Variants in IL4I1 observed in about 807,000 individuals in gnomAD.
IL4I1 encodes L-amino-acid oxidase.
IL4I1 carries 24 observed loss-of-function variants against 29.7 expected under a neutral mutation model. That is an observed-to-expected ratio of 0.81 (90% CI 0.59 to 1.14). The LOEUF (loss-of-function observed/expected upper bound fraction) is 1.14, where lower values mean the gene tolerates loss of function less well. Ranked by LOEUF, IL4I1 falls within the 50% of genes most tolerant of loss-of-function variation. The probability of loss-of-function intolerance (pLI) is 0.00; values close to 1 mark genes in which losing one functional copy is unlikely to be tolerated. For synonymous variants in IL4I1, 371 were observed against 352.5 expected (o/e 1.05, Z -0.59); for missense variants, 686 against 785.6 (o/e 0.87, Z 1.52).
chr19:49,909,180 G>A (rs1395017652), intron 2 of IL4I1: 1 of 1,613,612 alleles, frequency 6.2e-7, no homozygotes, highest in South Asian at 1.1e-5. Context: ...GTGGCTGTGG[G>A]TGTGGGAGCA....
In IL4I1 at chr19:49,920,523, A is replaced by T. The variant is rs899727537; in HGVS notation, c.-228+7171T>A. Among the ~76,000 whole-genome samples the T allele has an allele frequency of 1.2e-4, 19 of 152,312 alleles. No individual in the cohort carries two copies. In the East Asian group the frequency reaches 3.1e-3, roughly 25 times the overall value. Reference sequence around the variant, plus strand: ...TACAGTATCTCAATAAAGCCACTCAACCAACCAACCGACCAACCAACCAAC... The same window carrying T: ...TACAGTATCTCAATAAAGCCACTCATCCAACCAACCGACCAACCAACCAAC... On this transcript the variant is annotated intron_variant, in intron 2 of 9. Coordinates refer to the IL4I1 transcript ENST00000341114.
chr19:49,902,359 C>CTT (rs1207280960), intron 3 of IL4I1, among the ~76,000 whole-genome samples: 49 of 118,650 alleles, frequency 4.1e-4, no homozygotes, highest in East Asian at 1.5e-3. Context: ...GCAGCCATTT[C>CTT]TTTTTTTTTT....
upstream of IL4I1, chr19:49,901,659 GCT>G (rs1568690925): frequency 6.5e-7 from 1 of 1,530,282 alleles, no homozygotes; most frequent in Non-Finnish European, 8.8e-7. Flanking sequence ...CCTCTGGGGG[GCT>G]CTCTCAGCAC....
At chr19:49,925,428 C>A (rs1000119806) in intron 2 of IL4I1, among the ~76,000 whole-genome samples, 4 of 144,738 alleles carry the variant, frequency 2.8e-5, no homozygotes, top group East Asian at 2.1e-4. Flanking sequence ...GACCCTCCCC[C>A]CCATCTCTAC....
upstream of IL4I1, among the ~76,000 whole-genome samples, chr19:49,899,777 A>T (rs1223931074): frequency 6.6e-6 from 1 of 152,046 alleles, no homozygotes; most frequent in Non-Finnish European, 1.5e-5. Context: ...GGATGGTCTC[A>T]ATCTCCTGAC....
chr19:49,896,272 G>C (rs2075209478), intron 1 of IL4I1, 90 bp from the exon 2 acceptor site: 1 of 1,413,286 alleles, frequency 7.1e-7, no homozygotes, highest in Non-Finnish European at 9.4e-7. Context: ...CCAGCTGCTA[G>C]AGCCGGCCCT....
chr19:49,926,066 A>G (rs746906465), intron 2 of IL4I1, among the ~76,000 whole-genome samples: 5 of 151,984 alleles, frequency 3.3e-5, no homozygotes, highest in Non-Finnish European at 7.4e-5. Context: ...AAAATTAGCC[A>G]GGCATGATGG....
intron 2 of IL4I1, among the ~76,000 whole-genome samples, chr19:49,912,507 A>G (rs2075496256): frequency 6.6e-6 from 1 of 152,138 alleles, no homozygotes; most frequent in African/African-American, 2.4e-5. Flanking sequence ...TTGGTTTCCA[A>G]TACTCAGGTG....
rs750472309 is a variant in IL4I1, at chr19:49,891,058, A to G, written c.686T>C (p.Leu229Pro). ...GCCATCCTCGGACATCACGTCTCCCAGAAGCTGCACGGCCGGCCGGCTCAG... is the reference window on the plus strand; with the variant it reads ...GCCATCCTCGGACATCACGTCTCCCGGAAGCTGCACGGCCGGCCGGCTCAG... Reference protein sequence around the residue: ...GNLSRPAVQLLGDVMSEDGFF... With the variant: ...GNLSRPAVQLPGDVMSEDGFF... Residue 229 changes from leucine to proline, a missense_variant, in exon 7 of 8, where the codon CTG becomes CCG. Physicochemically the swap from Leu to Pro is moderately conservative, Grantham distance 98 (BLOSUM62 -3). Coordinates refer to ENST00000391826, the MANE Select transcript of IL4I1 (RefSeq NM_152899.2). 8.1e-6 allele frequency: 13 copies of G among 1,613,130 alleles called. No individual in the cohort carries two copies. The highest frequency in any genetic ancestry group is 1.1e-5 in the Non-Finnish European group (13 of 1,179,878).
At position 49,904,556 on chromosome 19, in the gene IL4I1, AT is replaced by A. The variant is rs1157805844; in HGVS notation, c.-227-236del. 6.0e-5 allele frequency among the ~76,000 whole-genome samples: 9 copies of A among 150,352 alleles called. No homozygotes were observed. In the East Asian group the frequency reaches 1.2e-3, roughly 20 times the overall value. On this transcript the variant is annotated intron_variant, in intron 2 of 9. Coordinates refer to the IL4I1 transcript ENST00000341114. ...ATGGGAAGAAAATGCAGAACTTAAA[AT>A]TTTTTTTTTGAGATGAAGTCTAACT...
chr19:49,926,803 C>T (rs2075902181), intron 2 of IL4I1, among the ~76,000 whole-genome samples: 3 of 151,956 alleles, frequency 2.0e-5, no homozygotes, highest in Admixed American at 2.0e-4. Context: ...AGTCTAACTG[C>T]TCGACACGGA....
chr19:49,896,315 G>A (rs1269129423), intron 1 of IL4I1, 133 bp from the exon 2 acceptor site: 4 of 1,130,412 alleles, frequency 3.5e-6, no homozygotes, highest in Non-Finnish European at 4.9e-6. Context: ...CTGGACCTGT[G>A]TCCCCTAACC....
chr19:49,890,923 C>A, intron 7 of IL4I1, 48 bp downstream of exon 7: 1 of 1,135,434 alleles, frequency 8.8e-7, no homozygotes, highest in South Asian at 1.6e-5. Context: ...GCTACTTTCC[C>A]TGATTGCCCC....
At chr19:49,896,106 G>T in intron 2 of IL4I1, 42 bp downstream of exon 2, 2 of 1,578,582 alleles carry the variant, frequency 1.3e-6, no homozygotes, top group Non-Finnish European at 1.7e-6. Context: ...GGGGAGAGGG[G>T]TTCTACTCAC....
chr19:49,901,781 G>T, upstream of IL4I1: 1 of 1,232,998 alleles, frequency 8.1e-7, no homozygotes, highest in Non-Finnish European at 1.1e-6. Flanking sequence ...TTAGATCAGA[G>T]ATGCCAAGTT....
Position 49,895,915 on chromosome 19 carries a change from C to T in IL4I1, c.152G>A (p.Trp51Ter). The change falls in exon 3 of 8, where the codon TGG becomes TAG. Residue 51 changes from tryptophan (W) to a stop codon, truncating the protein, a stop_gained. Coordinates refer to ENST00000391826, the MANE Select transcript of IL4I1 (RefSeq NM_152899.2). LOFTEE classifies it high-confidence loss of function. ...DYEQLLKVVT[W>*]GLNRTLKPQR... ...GGGCTTCAGGGTCCGATTGAGCCCCCAGGTCACCACCTTGAGCAGCTGCTC... is the reference window on the plus strand; with the variant it reads ...GGGCTTCAGGGTCCGATTGAGCCCCTAGGTCACCACCTTGAGCAGCTGCTC... 1 of 1,614,240 alleles carries T rather than the reference C, an allele frequency of 6.2e-7. No individual in the cohort carries two copies.
intron 2 of IL4I1, among the ~76,000 whole-genome samples, chr19:49,926,408 T>C (rs1266019477): frequency 6.6e-6 from 1 of 151,932 alleles, no homozygotes; most frequent in Non-Finnish European, 1.5e-5. Flanking sequence ...TGGGCGCCTG[T>C]AATCCCAGCT....
At chr19:49,896,116 C>T (rs1268467187) in intron 2 of IL4I1, 32 bp downstream of exon 2, 1 of 1,542,402 alleles carries the variant, frequency 6.5e-7, no homozygotes, top group Non-Finnish European at 8.7e-7. Context: ...GTTCTACTCA[C>T]TTGTTCCAGA....
upstream of IL4I1, among the ~76,000 whole-genome samples, chr19:49,901,339 G>C (rs193134305): frequency 6.6e-6 from 1 of 152,160 alleles, no homozygotes. Context: ...AGCCGAGACC[G>C]CGCCATTCCA....
Sources: allele counts gnomAD v4.1 joint callset (sites outside exome capture counted in the v4.1 genomes callset), GRCh38; gene constraint gnomAD v4.1.1; transcripts MANE v1.5; gene names NCBI Gene and HGNC (gene_info 2026-07-23, HGNC 2026-07-21).